NEBL: variants seen among roughly 807,000 people sequenced by gnomAD.
NEBL encodes the protein LIM and SH3 protein 2.
In NEBL, 122 loss-of-function variants were observed where a neutral mutation model predicts 140.2. The observed-to-expected ratio is 0.87, with a 90% CI of 0.75 to 1.01. The LOEUF (loss-of-function observed/expected upper bound fraction) is 1.01, where lower values mean the gene tolerates loss of function less well. NEBL is among the 50% of genes least tolerant of loss of function. The pLI, the probability that NEBL is intolerant of heterozygous loss-of-function variation, is 0.00. For synonymous variants in NEBL, 436 were observed against 398.9 expected (o/e 1.09, Z -1.11); for missense variants, 1,365 against 1,231.3 (o/e 1.11, Z -1.62).
chr10:20,995,472 A>G (rs958246244), intron 3 of NEBL, among the ~76,000 whole-genome samples: 3 of 152,144 alleles, frequency 2.0e-5, no homozygotes, highest in African/African-American at 7.2e-5. Flanking sequence ...GGAAGGCCTA[A>G]AAAGTAAAGA....
intron 13 of NEBL, among the ~76,000 whole-genome samples, chr10:20,838,999 A>G (rs1018658187): frequency 2.0e-5 from 3 of 152,198 alleles, no homozygotes; most frequent in Non-Finnish European, 2.9e-5. Flanking sequence ...TATTTGCTTT[A>G]TTAGAGTGGT....
chr10:21,141,883 C>T (rs1480805094), intron 2 of NEBL, among the ~76,000 whole-genome samples: 1 of 152,146 alleles, frequency 6.6e-6, no homozygotes, highest in African/African-American at 2.4e-5. Flanking sequence ...CATAGGGTGC[C>T]TGAGGTCCAG....
chr10:21,137,956 G>C (rs1839431266), intron 2 of NEBL, among the ~76,000 whole-genome samples: 4 of 149,904 alleles, frequency 2.7e-5, no homozygotes, highest in Admixed American at 6.7e-5. Context: ...GGGAAGGGAA[G>C]GGAAGGGAAT....
At chr10:20,835,664 G>T in intron 13 of NEBL, 41 bp from the exon 14 acceptor site, 2 of 1,352,048 alleles carry the variant, frequency 1.5e-6, no homozygotes, top group Non-Finnish European at 2.1e-6. Flanking sequence ...ACACTCAGTG[G>T]GCAAACATGC....
chr10:21,053,052 C>G (rs950644392), intron 2 of NEBL, among the ~76,000 whole-genome samples: 3 of 152,122 alleles, frequency 2.0e-5, no homozygotes, highest in African/African-American at 4.8e-5. Flanking sequence ...GACAGATATC[C>G]TAATGCCTTG....
At chr10:20,829,840 T>C (rs1588711261) in intron 16 of NEBL, among the ~76,000 whole-genome samples, 2 of 152,314 alleles carry the variant, frequency 1.3e-5, no homozygotes, top group East Asian at 3.9e-4. Context: ...TATATTTACA[T>C]GATTATTAGA....
intron 3 of NEBL, among the ~76,000 whole-genome samples, chr10:20,964,663 G>C (rs931522935): frequency 7.9e-5 from 12 of 152,228 alleles, no homozygotes; most frequent in African/African-American, 2.6e-4. Context: ...AGATTTGAGG[G>C]GGACAAACAT....
rs138206930 is a variant in NEBL at position 20,809,894 on chromosome 10, G to C, written c.2523C>G (p.Leu841=). 1.3e-6 allele frequency: 2 copies of C among 1,597,780 alleles called. No homozygotes were observed. The highest frequency in any genetic ancestry group is 2.7e-5 in the African/African-American group (2 of 73,480). The change falls in exon 25 of 28, where the codon CTC becomes CTG. Residue 841 remains leucine (L), a synonymous_variant. Coordinates refer to ENST00000377122, the MANE Select transcript of NEBL (RefSeq NM_006393.3). ...AGCCAGGATCTGTGCGCCAAACTTT[G>C]AGGTCTTTTGCCAAAAGGAAGAAAT... ...MDRRPGIIVD[L]KVWRTDPGSI... is the part of the protein sequence containing the mutation.
intron 2 of NEBL, among the ~76,000 whole-genome samples, chr10:21,086,340 C>T (rs902709516): frequency 5.9e-5 from 9 of 152,092 alleles, no homozygotes; most frequent in African/African-American, 2.2e-4. Context: ...GTGCTAAGAC[C>T]CTATAACTCA....
chr10:21,214,974 T>C lies in NEBL; in HGVS notation n.348+32947A>G, dbSNP rs372672956. On this transcript the variant is annotated intron_variant and non_coding_transcript_variant, in intron 3 of 8. Transcript: ENST00000675702. ...TCCCTGCCGGGGAGGAGCAATAAACTGTGAAGCCCTCCCTGTGCCACCTGC... is the reference window on the plus strand; with the variant it reads ...TCCCTGCCGGGGAGGAGCAATAAACCGTGAAGCCCTCCCTGTGCCACCTGC... 1.2e-4 allele frequency among the ~76,000 whole-genome samples: 19 copies of C among 152,224 alleles called. No homozygotes were observed. The South Asian group carries it at 3.9e-3, about 32-fold the overall frequency.
chr10:20,905,567 C>T (rs557052795), intron 4 of NEBL, among the ~76,000 whole-genome samples: 3 of 152,296 alleles, frequency 2.0e-5, no homozygotes, highest in South Asian at 2.1e-4. Flanking sequence ...CTTCCCTCAA[C>T]ACATACGGAT....
In NEBL at chr10:20,915,473, T is replaced by A. The variant is rs541645670; in HGVS notation, c.357+46199A>T. Among the ~76,000 whole-genome samples the A allele has an allele frequency of 9.9e-4, 149 of 151,046 alleles. 2 individuals are homozygous for A. The highest frequency in any genetic ancestry group is 9.3e-3 in the Admixed American group (141 of 15,164). ...TCCTGTGTCCATGTGTTCTCATTGT[T>A]CAATTCCCACCTATGAGTGAGAATA... On this transcript the variant is annotated intron_variant, in intron 4 of 6. Coordinates refer to the NEBL transcript ENST00000417816.
intron 2 of NEBL, among the ~76,000 whole-genome samples, chr10:21,105,256 C>T (rs59225360): frequency 0.062 from 9,369 of 152,086 alleles, 948 homozygotes; most frequent in African/African-American, 0.21. Context: ...CATAGGTATA[C>T]ATGTGCCATG....
intron 4 of NEBL, among the ~76,000 whole-genome samples, chr10:20,941,432 C>T (rs899217058): frequency 6.6e-6 from 1 of 152,166 alleles, no homozygotes; most frequent in Non-Finnish European, 1.5e-5. Flanking sequence ...TGGGACATAT[C>T]TCAAAATAAT....
chr10:20,807,916 T>C (rs12571856), intron 26 of NEBL, among the ~76,000 whole-genome samples: 37,205 of 150,466 alleles, frequency 0.25, 5,172 homozygotes, highest in South Asian at 0.41. Context: ...AAACAGAAGA[T>C]ACAGGAAAAG....
chr10:21,094,268 C>T lies in NEBL; in HGVS notation c.165-74067G>A, dbSNP rs904176376. 1.1e-4 allele frequency among the ~76,000 whole-genome samples: 16 copies of T among 151,784 alleles called. 1 individual carries two copies. The highest frequency in any genetic ancestry group is 3.1e-4 in the African/African-American group (13 of 41,316). On this transcript the variant is annotated intron_variant, in intron 2 of 6. Transcript: ENST00000417816. The stretch of plus-strand genomic sequence containing the variant: ...CTGTAATCCCAGCACTTTGGGAGGC[C>T]GAGGTGGGCGGATCACGAGGTCAGG...
Position 20,956,290 on chromosome 10 carries a change from T to C in NEBL, c.357+5382A>G, listed in dbSNP as rs540998549. The stretch of plus-strand genomic sequence containing the variant: ...AGAGGATCTAATTAAACAGGGTATG[T>C]CAAAGTGTTTCAAAATAAATGAGGT... On this transcript the variant is annotated intron_variant, in intron 4 of 6. Coordinates refer to the NEBL transcript ENST00000417816. Among the ~76,000 whole-genome samples the C allele has an allele frequency of 2.0e-5, 3 of 152,318 alleles. No individual in the cohort carries two copies. In the South Asian group the frequency reaches 6.2e-4, roughly 32 times the overall value.
chr10:20,939,383 C>T (rs935709379), intron 4 of NEBL, among the ~76,000 whole-genome samples: 1 of 152,132 alleles, frequency 6.6e-6, no homozygotes, highest in Non-Finnish European at 1.5e-5. Context: ...CAAGCAAATG[C>T]TGAGAGATTT....
At chr10:21,004,279 C>G (rs1005768814) in intron 3 of NEBL, among the ~76,000 whole-genome samples, 3 of 151,576 alleles carry the variant, frequency 2.0e-5, no homozygotes, top group Non-Finnish European at 4.4e-5. Flanking sequence ...ATAAATGCAT[C>G]ATTAATAAAA....
Sources: allele counts gnomAD v4.1 joint callset (sites outside exome capture counted in the v4.1 genomes callset), GRCh38; gene constraint gnomAD v4.1.1; transcripts MANE v1.5; gene names NCBI Gene and HGNC (gene_info 2026-07-23, HGNC 2026-07-21).